ZNF124: variants seen among roughly 807,000 people sequenced by gnomAD.
The protein encoded by ZNF124 is zinc finger protein 124, also known as zinc finger protein HZF-16.
A neutral mutation model predicts 26.6 loss-of-function variants in ZNF124; 25 were observed. The observed-to-expected ratio is 0.94, with a 90% CI of 0.68 to 1.31. ZNF124 has a LOEUF of 1.31. Among genes scored for constraint, ZNF124 ranks in the 40% most tolerant of loss-of-function variants. ZNF124 has a pLI of 0.00. For missense variants in ZNF124, 444 were observed against 422.2 expected (o/e 1.05, Z -0.45); for synonymous variants, 129 against 133.3 (o/e 0.97, Z 0.22).
intron 3 of ZNF124, among the ~76,000 whole-genome samples, chr1:247,131,584 G>A (rs115802450): frequency 1.3e-5 from 2 of 152,224 alleles, no homozygotes; most frequent in Non-Finnish European, 2.9e-5. Flanking sequence ...GCTCCAGGCT[G>A]CACTTTTCCC....
At position 247,159,804 on chromosome 1, in the gene ZNF124, C is replaced by T. The variant is rs1673372333; in HGVS notation, c.40G>A (p.Ala14Thr). The change falls in exon 2 of 4, where the codon GCC (alanine) becomes ACC (threonine). Residue 14 changes from alanine (A) to threonine (T), a missense_variant. Coordinates refer to ENST00000543802, the MANE Select transcript of ZNF124 (RefSeq NM_001297568.2). ...AAGTTCACAGCCACATCCTCAAAGGCAACCGAGTTCTAAAATATTCCACAT... is the reference window on the plus strand; with the variant it reads ...AAGTTCACAGCCACATCCTCAAAGGTAACCGAGTTCTAAAATATTCCACAT... ...HPGSWEMNSV[A>T]FEDVAVNFTQ... 7 of 1,610,704 alleles carry T rather than the reference C, an allele frequency of 4.3e-6. No homozygotes were observed. The highest frequency in any genetic ancestry group is 5.1e-6 in the Non-Finnish European group (6 of 1,179,296).
chr1:247,127,543 A>C (rs1192445365), intron 3 of ZNF124, among the ~76,000 whole-genome samples: 1 of 133,198 alleles, frequency 7.5e-6, no homozygotes, highest in East Asian at 2.1e-4. Flanking sequence ...TGAAATCCAC[A>C]GGCAGACAGC....
intron 1 of ZNF124, among the ~76,000 whole-genome samples, chr1:247,160,937 G>A (rs893665427): frequency 6.6e-6 from 1 of 152,112 alleles, no homozygotes; most frequent in African/African-American, 2.4e-5. Context: ...AATTTCTACT[G>A]AAAAATGTCA....
In ZNF124 at chr1:247,127,728, G is replaced by A. The variant is rs202092855; in HGVS notation, c.219-3857C>T. Among the ~76,000 whole-genome samples, 153 of 149,020 alleles carry A rather than the reference G, an allele frequency of 1.0e-3. 9 individuals carry two copies. The highest frequency in any genetic ancestry group is 1.2e-3 in the Non-Finnish European group (82 of 66,826). ...TCACGTACCCCCTGCTTGCTCAATC[G>A]ATCACGACCCTCTCACGCGGACCCC... On this transcript the variant is annotated intron_variant, in intron 3 of 3. Coordinates refer to the ZNF124 transcript ENST00000472531.
chr1:247,143,648 C>G (rs2103107550), intron 3 of ZNF124, among the ~76,000 whole-genome samples: 1 of 152,308 alleles, frequency 6.6e-6, no homozygotes, highest in East Asian at 1.9e-4. Flanking sequence ...GGGTAACTCT[C>G]TGAGCCAACA....
At chr1:247,164,968 A>ATT (rs753255072) in intron 1 of ZNF124, among the ~76,000 whole-genome samples, 3 of 146,546 alleles carry the variant, frequency 2.0e-5, no homozygotes, top group African/African-American at 5.0e-5. Context: ...CGACCATCTG[A>ATT]TTTTTTTTTT....
At chr1:247,162,684 C>CA (rs1205029002) in intron 1 of ZNF124, among the ~76,000 whole-genome samples, 1 of 140,846 alleles carries the variant, frequency 7.1e-6, no homozygotes, top group Non-Finnish European at 1.6e-5. Flanking sequence ...AAACCAAAAA[C>CA]AAAAAAAGAC....
At chr1:247,136,008 G>C (rs1672473172) in intron 3 of ZNF124, among the ~76,000 whole-genome samples, 1 of 152,024 alleles carries the variant, frequency 6.6e-6, no homozygotes, top group African/African-American at 2.4e-5. Context: ...CAATCAACGA[G>C]GTATTGATGG....
intron 3 of ZNF124, among the ~76,000 whole-genome samples, chr1:247,135,306 AAGAG>A (rs1672455688): frequency 6.6e-6 from 1 of 152,170 alleles, no homozygotes; most frequent in Non-Finnish European, 1.5e-5. Context: ...CTAGACTAAT[AAGAG>A]AGAGAAGAAT....
chr1:247,169,507 A>T (rs1389421567), intron 1 of ZNF124, among the ~76,000 whole-genome samples: 1 of 152,098 alleles, frequency 6.6e-6, no homozygotes, highest in African/African-American at 2.4e-5. Flanking sequence ...ATTGGATTGG[A>T]TGACACCAGT....
chr1:247,144,949 T>A (rs139545352), intron 3 of ZNF124, among the ~76,000 whole-genome samples: 305 of 152,244 alleles, frequency 2.0e-3, no homozygotes, highest in African/African-American at 7.1e-3. Context: ...CTAATTTTTG[T>A]ATTTTTAGTA....
chr1:247,159,151 G>T, intron 2 of ZNF124, 85 bp from the exon 3 acceptor site: 2 of 1,288,668 alleles, frequency 1.6e-6, no homozygotes, highest in Non-Finnish European at 2.1e-6. Context: ...TTGGGGATAT[G>T]GTTTGTACCC....
Position 247,156,422 on chromosome 1 carries a change from A to G in ZNF124, c.*144T>C. 1 of 1,332,632 alleles carries G rather than the reference A, an allele frequency of 7.5e-7. No homozygotes were observed. Among genetic ancestry groups the G allele is most frequent in the East Asian group, 2.8e-5 (1 of 35,538 alleles). 82.6% of individuals were successfully genotyped at this position (1,332,632 alleles called of 1,614,324 possible). On this transcript the variant is annotated 3_prime_UTR_variant, in exon 4 of 4. Coordinates refer to ENST00000543802, the MANE Select transcript of ZNF124 (RefSeq NM_001297568.2). ...ATGCTTTACCTTATTGCTTATAGTC[A>G]TAGGGTTTATCTCCAGTTTGATTCG...
intron 3 of ZNF124, among the ~76,000 whole-genome samples, chr1:247,127,678 G>GA (rs1166962766): frequency 6.7e-6 from 1 of 148,616 alleles, no homozygotes; most frequent in Non-Finnish European, 1.5e-5. Flanking sequence ...GTTCCGTTCT[G>GA]ATTGCCGGTG....
intron 3 of ZNF124, among the ~76,000 whole-genome samples, chr1:247,147,733 C>A (rs188030841): frequency 2.6e-5 from 4 of 152,140 alleles, no homozygotes; most frequent in Admixed American, 6.5e-5. Context: ...AATTCTGTCT[C>A]TCTCACACTC....
chr1:247,136,481 C>T (rs187147909), intron 3 of ZNF124, among the ~76,000 whole-genome samples: 76 of 152,236 alleles, frequency 5.0e-4, no homozygotes, highest in African/African-American at 1.6e-3. Context: ...AACCACTGCT[C>T]AAGGAAGTAA....
At chr1:247,162,640 G>T (rs1673548633) in intron 1 of ZNF124, among the ~76,000 whole-genome samples, 1 of 148,304 alleles carries the variant, frequency 6.7e-6, no homozygotes, top group African/African-American at 2.5e-5. Flanking sequence ...AAAAAGCAGG[G>T]ATTACTAGTC....
intron 3 of ZNF124, among the ~76,000 whole-genome samples, chr1:247,135,352 G>A (rs1192066762): frequency 6.6e-6 from 1 of 151,992 alleles, no homozygotes; most frequent in Non-Finnish European, 1.5e-5. Context: ...GATAAAGGGA[G>A]TTATCACCAC....
chr1:247,147,742 T>G (rs1161385489), intron 3 of ZNF124, among the ~76,000 whole-genome samples: 2 of 152,140 alleles, frequency 1.3e-5, no homozygotes, highest in Non-Finnish European at 2.9e-5. Flanking sequence ...TCTCTCACAC[T>G]CTTCTACCTG....
Sources: gnomAD v4.1 joint callset for allele counts (sites outside exome capture counted in the v4.1 genomes callset) on GRCh38, gnomAD v4.1.1 for gene constraint, MANE v1.5 for transcripts, NCBI Gene and HGNC (gene_info 2026-07-23, HGNC 2026-07-21) for gene names.